The following MDN1 variants were observed in gnomAD, a reference collection of about 807,000 sequenced individuals.
The protein encoded by MDN1 is midasin.
MDN1 carries 266 observed loss-of-function variants against 669.2 expected under a neutral mutation model. The ratio of observed to expected loss-of-function variants is 0.40; its 90% CI spans 0.36 to 0.44. The LOEUF (loss-of-function observed/expected upper bound fraction) is 0.44, where lower values mean the gene tolerates loss of function less well. Ranked by LOEUF, MDN1 falls within the 20% of genes least tolerant of loss-of-function variation. The pLI is 1.00. For missense variants in MDN1, 5,940 were observed against 6,754.0 expected, an observed-to-expected ratio of 0.88 and a Z score of 4.22; for synonymous variants, 2,385 against 2,457.1, an observed-to-expected ratio of 0.97 and a Z score of 0.87.
chr6:89,682,776 CA>C (rs1168971439), intron 73 of MDN1, among the ~76,000 whole-genome samples: 1,892 of 35,286 alleles, frequency 0.054, 24 homozygotes, highest in African/African-American at 0.17. Context: ...CTCATCTCTA[CA>C]AAAAAAAAAA....
chr6:89,762,194 T>TA, intron 16 of MDN1, 125 bp downstream of exon 16: 1 of 754,520 alleles, frequency 1.3e-6, no homozygotes, highest in Non-Finnish European at 2.2e-6. Flanking sequence ...ACTTCACAAT[T>TA]AGTCACTTCT....
In MDN1 at chr6:89,708,581, C is replaced by A; in HGVS notation, c.7813G>T (p.Asp2605Tyr). 6.2e-7 allele frequency: 1 copy of A among 1,614,002 alleles called. No homozygotes were observed. The highest frequency in any genetic ancestry group is 8.5e-7 in the Non-Finnish European group (1 of 1,179,904). Residue 2605 changes from aspartate to tyrosine, a missense_variant, in exon 51 of 102, where the codon GAC becomes TAC. Physicochemically the swap from Asp to Tyr is radical, Grantham distance 160. Around this residue, in one of 5 missense-constraint regions of MDN1, gnomAD observed 2,292 missense variants for 2,638.3 expected, o/e 0.87. Transcript: ENST00000369393. ...AAGTCCATCAAATTTCTAATCATGT[C>A]CAGAGCCTGCATATTCCATCGGGGA... is the stretch of plus-strand genomic sequence containing the variant. ...LDPRWNMQAL[D>Y]MIRNLMDFDP...
intron 17 of MDN1, 93 bp from the exon 18 acceptor site, chr6:89,759,053 G>A (rs1433862760): frequency 5.3e-6 from 7 of 1,318,826 alleles, no homozygotes; most frequent in Non-Finnish European, 7.4e-6. Flanking sequence ...AATAGAGGCG[G>A]GGCAAATCTT....
chr6:89,664,901 AT>A (rs1428019819), intron 84 of MDN1, among the ~76,000 whole-genome samples: 5 of 152,316 alleles, frequency 3.3e-5, no homozygotes, highest in African/African-American at 1.2e-4. Context: ...TCTTTGTAGG[AT>A]AAAAAATTCA....
chr6:89,785,097 C>T lies in MDN1; in HGVS notation c.1364G>A (p.Arg455Gln), dbSNP rs573701881. The stretch of plus-strand genomic sequence containing the variant: ...CAAAGTAGCATGACTGTTTAGCGGT[C>T]GATACCAATTTCCTCCACAGCTCAA... ...RLLSCGGNWYRPLNSHATLLD... is the reference protein window; with the variant it reads ...RLLSCGGNWYQPLNSHATLLD... The change falls in exon 9 of 102, where the codon CGA becomes CAA. Residue 455 changes from arginine (R) to glutamine (Q), a missense_variant. Arg to Gln is a conservative substitution (Grantham distance 43). Around this residue, in one of 5 missense-constraint regions of MDN1, gnomAD observed 1,203 missense variants for 1,268.9 expected, o/e 0.95. Transcript: ENST00000369393. The T allele has an allele frequency of 3.5e-4, 570 of 1,613,848 alleles. 4 individuals carry two copies. In the South Asian group the frequency reaches 4.7e-3, roughly 13 times the overall value.
At chr6:89,731,312 A>T (rs1469583466) in intron 34 of MDN1, among the ~76,000 whole-genome samples, 1 of 152,238 alleles carries the variant, frequency 6.6e-6, no homozygotes, top group Non-Finnish European at 1.5e-5. Context: ...TACTCATGTT[A>T]AACATTGGCC....
At chr6:89,747,763 T>C (rs779488066) in intron 26 of MDN1, among the ~76,000 whole-genome samples, 54 of 149,912 alleles carry the variant, frequency 3.6e-4, no homozygotes, top group Admixed American at 2.3e-3. Context: ...TGGTGGCGGG[T>C]GCCTGTAGTC....
At position 89,806,109 on chromosome 6, in the gene MDN1, T is replaced by G. The variant is rs145543089; in HGVS notation, c.103-2555A>C. On this transcript the variant is annotated intron_variant, in intron 1 of 101. Coordinates refer to ENST00000369393, the MANE Select transcript of MDN1 (RefSeq NM_014611.3). Reference sequence around the variant, plus strand: ...TGTGCCACCACGCCCAGCTGATTATTTTATTTTTGTAGACATGGGGGTCTC... The same window carrying G: ...TGTGCCACCACGCCCAGCTGATTATGTTATTTTTGTAGACATGGGGGTCTC... Among the ~76,000 whole-genome samples the G allele has an allele frequency of 7.9e-3, 1,200 of 152,200 alleles. 14 individuals carry two copies. Among genetic ancestry groups the G allele is most frequent in the Non-Finnish European group, 0.013 (907 of 68,002 alleles).
At position 89,692,451 on chromosome 6, in the gene MDN1, CAT is replaced by C. The variant is rs1287400257; in HGVS notation, c.10577_10578del (p.His3526ArgfsTer8). ...LDQRALQLFRHVCQEIISEWD... is the reference protein window; with the variant it reads ...LDQRALQLFRXVCQEIISEWD... ...TCCCAGAGATGGCTCACCTGACACACATGTCTGAAGAGCTGCAGGGCCCTCTG... is the reference window on the plus strand; with the variant it reads ...TCCCAGAGATGGCTCACCTGACACACGTCTGAAGAGCTGCAGGGCCCTCTG... On this transcript the variant is annotated frameshift_variant, in exon 63 of 102. Coordinates refer to ENST00000369393, the MANE Select transcript of MDN1 (RefSeq NM_014611.3). LOFTEE classifies it high-confidence loss of function. The C allele has an allele frequency of 1.3e-5, 21 of 1,607,734 alleles. No homozygotes were observed. The highest frequency in any genetic ancestry group is 1.7e-5 in the Non-Finnish European group (20 of 1,176,198).
In MDN1 at chr6:89,672,311, G is replaced by C. The variant is rs776982962; in HGVS notation, c.13683C>G (p.Asp4561Glu). The change falls in exon 82 of 102, where the codon GAC becomes GAG. Residue 4561 changes from aspartate (D) to glutamate (E), a missense_variant. By Grantham distance (45) the Asp-to-Glu change is conservative (BLOSUM62 2). This residue lies in a region of MDN1 where 2,280 missense variants were observed against 2,576.3 expected (regional missense o/e 0.88). Transcript: ENST00000369393. ...GCAAAGTGCTCACATCGGCCCAGAAGTCATCCTCTAAGAGTTTTGTTAGAT... is the reference window on the plus strand; with the variant it reads ...GCAAAGTGCTCACATCGGCCCAGAACTCATCCTCTAAGAGTTTTGTTAGAT... ...SGHLTKLLED[D>E]FWADVSTLHV... is the part of the protein sequence containing the mutation. The C allele has an allele frequency of 1.4e-5, 23 of 1,612,982 alleles. 1 individual carries two copies. The highest frequency in any genetic ancestry group is 3.3e-4 in the Middle Eastern group (2 of 6,082).
chr6:89,700,176 G>T lies in MDN1; in HGVS notation c.8757C>A (p.Thr2919=). Residue 2919 remains threonine (T), a synonymous_variant, in exon 57 of 102, where the codon ACC becomes ACA. Coordinates refer to ENST00000369393, the MANE Select transcript of MDN1 (RefSeq NM_014611.3). ...EASSLSHPDL[T]SVIHLTRSVQ... is the part of the protein sequence containing the mutation. ...CACTCCTGGTGAGGTGGATTACGGAGGTCAAGTCTGGATGGGACAGGGAGG... is the reference window on the plus strand; with the variant it reads ...CACTCCTGGTGAGGTGGATTACGGATGTCAAGTCTGGATGGGACAGGGAGG... The T allele has an allele frequency of 1.2e-6, 2 of 1,614,170 alleles. No homozygotes were observed. Among genetic ancestry groups the T allele is most frequent in the Non-Finnish European group, 1.7e-6 (2 of 1,180,022 alleles).
At chr6:89,734,156 G>A (rs1815777594) in intron 33 of MDN1, among the ~76,000 whole-genome samples, 1 of 151,910 alleles carries the variant, frequency 6.6e-6, no homozygotes, top group Non-Finnish European at 1.5e-5. Flanking sequence ...ATGGTGGCAC[G>A]TGCCTGTAAT....
intron 65 of MDN1, 71 bp downstream of exon 65, chr6:89,689,797 TAC>T: frequency 1.3e-6 from 2 of 1,507,892 alleles, no homozygotes; most frequent in South Asian, 1.2e-5. Context: ...GTGTGATTGT[TAC>T]AGAGTAGCAA....
chr6:89,664,435 TA>T, intron 85 of MDN1, 51 bp downstream of exon 85: 1 of 1,599,452 alleles, frequency 6.3e-7, no homozygotes, highest in Non-Finnish European at 8.5e-7. Context: ...ATTTCCTGGA[TA>T]AAATATTTAT....
At chr6:89,797,575 A>G (rs1819675117) in intron 2 of MDN1, 1 of 391,262 alleles carries the variant, frequency 2.6e-6, no homozygotes, top group Non-Finnish European at 5.1e-6. Flanking sequence ...TGGCCAGTAC[A>G]GTAGTAGCAG....
At chr6:89,801,637 G>A (rs1437971500) in intron 2 of MDN1, among the ~76,000 whole-genome samples, 4 of 148,882 alleles carry the variant, frequency 2.7e-5, no homozygotes, top group Non-Finnish European at 4.4e-5. Flanking sequence ...GTGACAGAGT[G>A]AGACTCCGTC....
intron 22 of MDN1, 148 bp from the exon 23 acceptor site, chr6:89,751,730 T>G (rs940592596): frequency 7.9e-6 from 7 of 886,194 alleles, no homozygotes; most frequent in Non-Finnish European, 1.1e-5. Flanking sequence ...GAACATAAAA[T>G]TATGAGGAAT....
intron 1 of MDN1, among the ~76,000 whole-genome samples, chr6:89,807,386 G>T (rs12661052): frequency 0.033 from 5,062 of 152,252 alleles, 219 homozygotes; most frequent in East Asian, 0.22. Flanking sequence ...ACGCAAGGGG[G>T]TTTATGGTTT....
chr6:89,670,087 C>T (rs1810546364), intron 83 of MDN1, among the ~76,000 whole-genome samples: 1 of 133,182 alleles, frequency 7.5e-6, no homozygotes, highest in South Asian at 2.5e-4. Context: ...CCTGTAATCA[C>T]GTGGAGATTA....
Sources: gnomAD v4.1 joint callset for allele counts (sites outside exome capture counted in the v4.1 genomes callset) on GRCh38, gnomAD v4.1.1 for gene constraint, gnomAD v4.1.1 regional missense constraint, MANE v1.5 for transcripts, NCBI Gene and HGNC (gene_info 2026-07-23, HGNC 2026-07-21) for gene names.